Variants in GRB10 observed in about 807,000 individuals in gnomAD.
GRB10 encodes growth factor receptor-bound protein 10.
A neutral mutation model predicts 80.9 loss-of-function variants in GRB10; 20 were observed. The observed-to-expected ratio is 0.25, with a 90% confidence interval of 0.17 to 0.36. The LOEUF (loss-of-function observed/expected upper bound fraction) is 0.36. Ranked by LOEUF, GRB10 falls within the 10% of genes least tolerant of loss-of-function variation. The pLI is 1.00. For missense variants in GRB10, 548 were observed against 747.7 expected (o/e 0.73, Z 3.12); for synonymous variants, 291 against 291.5 (o/e 1.00, Z 0.02).
intron 4 of GRB10, among the ~76,000 whole-genome samples, chr7:50,718,630 A>G (rs1284654348): frequency 6.6e-6 from 1 of 152,136 alleles, no homozygotes; most frequent in African/African-American, 2.4e-5. Context: ...GTTTTTGAGG[A>G]CCACAGATCT....
intron 7 of GRB10, among the ~76,000 whole-genome samples, chr7:50,655,025 G>A (rs2058487598): frequency 6.6e-6 from 1 of 152,176 alleles, no homozygotes; most frequent in Non-Finnish European, 1.5e-5. Flanking sequence ...CCCAAGCTGC[G>A]TTTGACTGCC....
Position 50,782,014 on chromosome 7 carries a change from G to A in GRB10, c.-327+410C>T, listed in dbSNP as rs191305770. 5.9e-5 allele frequency among the ~76,000 whole-genome samples: 9 copies of A among 152,294 alleles called. No homozygotes were observed. The East Asian group carries it at 1.2e-3, about 20-fold the overall frequency. ...CATTATGTTTTTCACAGAAAAAGCC[G>A]GTGCAGTAGCCCGGATGCCCAGATC... On this transcript the variant is annotated intron_variant, in intron 1 of 18. Transcript: ENST00000401949. The surrounding 1 kb of genome is among the most constrained non-coding windows in gnomAD (Gnocchi z 6.6).
chr7:50,675,045 T>C (rs557408610), intron 5 of GRB10, among the ~76,000 whole-genome samples: 12 of 152,066 alleles, frequency 7.9e-5, no homozygotes, highest in Non-Finnish European at 1.8e-4. Context: ...GAATCACAGG[T>C]GTCTCCCAGG....
At chr7:50,724,753 C>T (rs542770285) in intron 4 of GRB10, among the ~76,000 whole-genome samples, 1 of 152,280 alleles carries the variant, frequency 6.6e-6, no homozygotes, top group East Asian at 1.9e-4. Context: ...TAACTTCAAA[C>T]GCAGAGAGAC....
intron 7 of GRB10, among the ~76,000 whole-genome samples, chr7:50,650,568 C>T (rs1174564018): frequency 2.6e-5 from 4 of 152,178 alleles, no homozygotes; most frequent in African/African-American, 9.7e-5. Flanking sequence ...ACTCAACGTC[C>T]TAGAGAAGAT....
chr7:50,631,799 G>A (rs932525973), intron 7 of GRB10, among the ~76,000 whole-genome samples: 6 of 152,206 alleles, frequency 3.9e-5, no homozygotes, highest in African/African-American at 1.2e-4. Context: ...TTAACTCCAC[G>A]CACATGTCTC....
At chr7:50,617,080 A>G (rs1204421295) in intron 10 of GRB10, among the ~76,000 whole-genome samples, 1 of 152,134 alleles carries the variant, frequency 6.6e-6, no homozygotes, top group African/African-American at 2.4e-5. Context: ...CATCTTCACA[A>G]AGCGCATGGA....
intron 8 of GRB10, among the ~76,000 whole-genome samples, chr7:50,626,288 C>A (rs1294887495): frequency 3.9e-5 from 6 of 152,228 alleles, no homozygotes; most frequent in Non-Finnish European, 8.8e-5. Flanking sequence ...AACCAGCAGG[C>A]AGAGATGCCA....
chr7:50,742,267 GCGCGCACACACA>G (rs1363279310), intron 3 of GRB10, among the ~76,000 whole-genome samples: 586 of 30,940 alleles, frequency 0.019, 4 homozygotes, highest in Non-Finnish European at 0.021. Context: ...GCGCACGCGC[GCGCGCACACACA>G]CACACACACA....
chr7:50,762,595 A>G (rs2075880248), intron 2 of GRB10, among the ~76,000 whole-genome samples: 1 of 152,206 alleles, frequency 6.6e-6, no homozygotes, highest in Non-Finnish European at 1.5e-5. Flanking sequence ...AAATAAGATC[A>G]TGGATAGCTG....
At chr7:50,721,332 G>C (rs1191036919) in intron 4 of GRB10, among the ~76,000 whole-genome samples, 1 of 152,184 alleles carries the variant, frequency 6.6e-6, no homozygotes, top group African/African-American at 2.4e-5. Flanking sequence ...TCCTCCCTCT[G>C]CCCAGGATGC....
intron 4 of GRB10, among the ~76,000 whole-genome samples, chr7:50,724,289 T>C (rs1006066477): frequency 8.5e-5 from 13 of 152,334 alleles, no homozygotes; most frequent in African/African-American, 3.1e-4. Context: ...GCTGTCCCTG[T>C]CAACCTGTCA....
intron 13 of GRB10, among the ~76,000 whole-genome samples, chr7:50,610,076 A>T (rs1186352842): frequency 1.3e-5 from 2 of 152,176 alleles, no homozygotes; most frequent in African/African-American, 4.8e-5. Flanking sequence ...TGTCAACTTC[A>T]GCCCTCAGAC....
chr7:50,664,503 C>T (rs1170018341), intron 7 of GRB10, among the ~76,000 whole-genome samples: 1 of 152,210 alleles, frequency 6.6e-6, no homozygotes, highest in Non-Finnish European at 1.5e-5. Context: ...CTGGTATTTA[C>T]CCAGGATTGT....
chr7:50,592,918 T>C lies in GRB10; in HGVS notation c.*34A>G, dbSNP rs2045979160. 3 of 1,612,576 alleles carry C rather than the reference T, an allele frequency of 1.9e-6. No individual in the cohort carries two copies. The highest frequency in any genetic ancestry group is 2.7e-5 in the African/African-American group (2 of 74,904). On this transcript the variant is annotated 3_prime_UTR_variant, in exon 19 of 19. Coordinates refer to ENST00000401949, the MANE Select transcript of GRB10 (RefSeq NM_001350814.2). ...ACCGCTTCTTCACTCCAGTGTTCACTTCCTCCAGTCTTCAGCCGAGAGGAC... is the reference window on the plus strand; with the variant it reads ...ACCGCTTCTTCACTCCAGTGTTCACCTCCTCCAGTCTTCAGCCGAGAGGAC...
chr7:50,616,807 CT>C (rs750175944), intron 10 of GRB10, among the ~76,000 whole-genome samples: 60 of 152,266 alleles, frequency 3.9e-4, no homozygotes, highest in Admixed American at 1.1e-3. Flanking sequence ...TGATGTCCCC[CT>C]GTTCCAGCTA....
chr7:50,608,862 G>A (rs2048977005), intron 13 of GRB10, among the ~76,000 whole-genome samples: 1 of 151,686 alleles, frequency 6.6e-6, no homozygotes. Flanking sequence ...CTACTCAGGA[G>A]GCTGAGGTGG....
At chr7:50,777,429 T>TACACACAC (rs71018485) in intron 2 of GRB10, among the ~76,000 whole-genome samples, 6,602 of 146,234 alleles carry the variant, frequency 0.045, 256 homozygotes, top group African/African-American at 0.1. Context: ...GCAATCTGTA[T>TACACACAC]ACACACACAC....
intron 3 of GRB10, among the ~76,000 whole-genome samples, chr7:50,733,882 C>T (rs1284767283): frequency 6.6e-6 from 1 of 152,092 alleles, no homozygotes; most frequent in Non-Finnish European, 1.5e-5. Flanking sequence ...GAGGCATTAC[C>T]CAATCCACAG....
Sources: gnomAD v4.1 joint callset for allele counts (sites outside exome capture counted in the v4.1 genomes callset) on GRCh38, gnomAD v4.1.1 for gene constraint, Gnocchi (gnomAD v3.1) non-coding constraint, MANE v1.5 for transcripts, NCBI Gene and HGNC (gene_info 2026-07-23, HGNC 2026-07-21) for gene names.